Variants in NPAS3 observed in about 807,000 individuals in gnomAD.
NPAS3 encodes neuronal PAS domain-containing protein 3.
A neutral mutation model predicts 73.1 loss-of-function variants in NPAS3; 14 were observed. That is an observed-to-expected ratio of 0.19 (90% confidence interval 0.13 to 0.30). NPAS3 has a LOEUF of 0.30. Among genes scored for constraint, NPAS3 ranks in the 10% least tolerant of loss-of-function variants. The pLI is 1.00. For synonymous variants in NPAS3, 620 were observed against 541.5 expected, an observed-to-expected ratio of 1.14 and a Z score of -2.01; for missense variants, 1,096 against 1,250.0, an observed-to-expected ratio of 0.88 and a Z score of 1.86.
intron 4 of NPAS3, among the ~76,000 whole-genome samples, chr14:33,442,125 C>T (rs1364233468): frequency 6.6e-6 from 1 of 152,146 alleles, no homozygotes. Flanking sequence ...TATGTGGTCT[C>T]AGTAGGGTGA....
intron 6 of NPAS3, among the ~76,000 whole-genome samples, chr14:33,731,232 T>A (rs1271639823): frequency 6.6e-5 from 10 of 151,818 alleles, no homozygotes; most frequent in Admixed American, 3.9e-4. Context: ...TGAAACCCCA[T>A]CTACAAAAAA....
At chr14:33,645,645 G>A (rs1395455501) in intron 5 of NPAS3, among the ~76,000 whole-genome samples, 1 of 152,168 alleles carries the variant, frequency 6.6e-6, no homozygotes, top group South Asian at 2.1e-4. Flanking sequence ...AGCTGCCTCT[G>A]GTGGGTTGCC....
chr14:33,540,629 G>A (rs905636268), intron 4 of NPAS3, among the ~76,000 whole-genome samples: 4 of 152,066 alleles, frequency 2.6e-5, no homozygotes, highest in Non-Finnish European at 5.9e-5. Context: ...TATTCTCTGG[G>A]AATAGGGAAA....
chr14:32,994,361 G>A (rs1286708293), intron 1 of NPAS3, among the ~76,000 whole-genome samples: 3 of 151,960 alleles, frequency 2.0e-5, no homozygotes, highest in Non-Finnish European at 4.4e-5. Context: ...ATTATGACAA[G>A]TGAATACTAC....
intron 1 of NPAS3, among the ~76,000 whole-genome samples, chr14:32,993,770 A>C (rs1355970187): frequency 1.3e-5 from 2 of 152,166 alleles, no homozygotes; most frequent in Non-Finnish European, 2.9e-5. Context: ...AATGAAGGTG[A>C]AGTTAGTTTA....
chr14:33,232,200 C>T (rs539975940), intron 3 of NPAS3, among the ~76,000 whole-genome samples: 13 of 152,220 alleles, frequency 8.5e-5, no homozygotes, highest in Non-Finnish European at 1.8e-4. Context: ...AAGAAGAAAA[C>T]ATTCAGATCC....
At chr14:33,753,376 T>C (rs1346444086) in intron 7 of NPAS3, among the ~76,000 whole-genome samples, 1 of 137,268 alleles carries the variant, frequency 7.3e-6, no homozygotes. Flanking sequence ...AAAAAAAACG[T>C]ACACTCCACA....
At chr14:33,654,800 A>C (rs1945790793) in intron 5 of NPAS3, among the ~76,000 whole-genome samples, 1 of 152,200 alleles carries the variant, frequency 6.6e-6, no homozygotes, top group Non-Finnish European at 1.5e-5. Flanking sequence ...TCCCGAGTCA[A>C]GTCACTCACA....
At chr14:33,572,672 T>A (rs1009992811) in intron 5 of NPAS3, among the ~76,000 whole-genome samples, 2 of 152,150 alleles carry the variant, frequency 1.3e-5, no homozygotes, top group Non-Finnish European at 2.9e-5. Flanking sequence ...ATTATTCGTT[T>A]TATGTGTTAA....
chr14:33,749,108 A>G (rs1466460160), intron 7 of NPAS3, among the ~76,000 whole-genome samples: 1 of 152,216 alleles, frequency 6.6e-6, no homozygotes, highest in East Asian at 1.9e-4. Flanking sequence ...GACTAAAACC[A>G]ACCAGTCTCA....
intron 5 of NPAS3, among the ~76,000 whole-genome samples, chr14:33,635,938 C>T (rs549674791): frequency 2.0e-5 from 3 of 152,270 alleles, no homozygotes; most frequent in African/African-American, 7.2e-5. Context: ...ACTGTAAACA[C>T]GACTAGACCT....
chr14:33,016,624 A>G (rs888958779), intron 1 of NPAS3, among the ~76,000 whole-genome samples: 1 of 151,792 alleles, frequency 6.6e-6, no homozygotes, highest in African/African-American at 2.4e-5. Context: ...GGAAAAAAAA[A>G]AAAAAAAACG....
At chr14:33,377,357 C>T (rs189490910) in intron 4 of NPAS3, among the ~76,000 whole-genome samples, 285 of 152,170 alleles carry the variant, frequency 1.9e-3, no homozygotes, top group African/African-American at 6.4e-3. Context: ...TCAACTTGCT[C>T]AGAAAAAAAA....
intron 7 of NPAS3, among the ~76,000 whole-genome samples, chr14:33,740,468 A>C (rs779002571): frequency 3.2e-4 from 48 of 152,310 alleles, no homozygotes; most frequent in Non-Finnish European, 6.2e-4. Context: ...ATTGAATTGC[A>C]TGCTCTCTTT....
intron 6 of NPAS3, among the ~76,000 whole-genome samples, chr14:33,700,090 G>GT (rs1043980602): frequency 1.3e-5 from 2 of 152,070 alleles, no homozygotes; most frequent in Admixed American, 6.5e-5. Context: ...GGTTTGGCTT[G>GT]TTTTTTTAAA....
At chr14:33,202,466 A>G (rs1952073) in intron 2 of NPAS3, among the ~76,000 whole-genome samples, 144,893 of 152,226 alleles carry the variant, frequency 0.95, 69,141 homozygotes, top group Non-Finnish European at 0.98. Context: ...GACTTGGTTA[A>G]AATAACGAAT....
At chr14:33,628,291 A>T (rs952040421) in intron 5 of NPAS3, among the ~76,000 whole-genome samples, 6 of 152,214 alleles carry the variant, frequency 3.9e-5, no homozygotes, top group African/African-American at 1.4e-4. Context: ...GGATTCCTAG[A>T]TCTATCACAA....
At chr14:33,015,024 C>T (rs2139670274) in intron 1 of NPAS3, among the ~76,000 whole-genome samples, 1 of 152,314 alleles carries the variant, frequency 6.6e-6, no homozygotes, top group Middle Eastern at 3.4e-3. Context: ...TGGCAGGAGG[C>T]TGTATGTAGA....
At chr14:33,287,618 C>G (rs2041930815) in intron 3 of NPAS3, among the ~76,000 whole-genome samples, 1 of 152,184 alleles carries the variant, frequency 6.6e-6, no homozygotes, top group Non-Finnish European at 1.5e-5. Flanking sequence ...GCATCCCTCT[C>G]CTACTACTTA....
Sources: allele counts gnomAD v4.1 joint callset (sites outside exome capture counted in the v4.1 genomes callset), GRCh38; gene constraint gnomAD v4.1.1; transcripts MANE v1.5; gene names NCBI Gene and HGNC (gene_info 2026-07-23, HGNC 2026-07-21).